The following MTBP variants were observed in gnomAD, a reference collection of about 807,000 sequenced individuals.
The protein encoded by MTBP is mdm2-binding protein.
MTBP carries 101 observed loss-of-function variants against 117.0 expected under a neutral mutation model. That is an observed-to-expected ratio of 0.86 (90% CI 0.73 to 1.02). MTBP has a LOEUF of 1.02. Ranked by LOEUF, MTBP falls within the 50% of genes least tolerant of loss-of-function variation. The probability of loss-of-function intolerance (pLI) is 0.00; values close to 1 mark genes in which losing one functional copy is unlikely to be tolerated. For missense variants in MTBP, 970 were observed against 1,030.9 expected (o/e 0.94, Z 0.81); for synonymous variants, 350 against 351.5 (o/e 1.00, Z 0.05).
At chr8:120,465,160 G>A (rs1462991082) in intron 10 of MTBP, among the ~76,000 whole-genome samples, 3 of 152,078 alleles carry the variant, frequency 2.0e-5, no homozygotes, top group Non-Finnish European at 4.4e-5. Context: ...GTAGCTCTCT[G>A]TATATCCCTG....
In MTBP at chr8:120,463,673, C is replaced by T. The variant is rs1813626828; in HGVS notation, c.978-19C>T. 4 of 1,573,440 alleles carry T rather than the reference C, an allele frequency of 2.5e-6. No homozygotes were observed. The African/African-American group carries it at 5.4e-5, about 21-fold the overall frequency. On this transcript the variant is annotated intron_variant, in intron 9 of 21. Transcript: ENST00000305949. ...TTTCATGGGTACCATTACATCATTTCTTTAACTCCTTAGTACAGAGGATTG... is the reference window on the plus strand; with the variant it reads ...TTTCATGGGTACCATTACATCATTTTTTTAACTCCTTAGTACAGAGGATTG...
intron 7 of MTBP, among the ~76,000 whole-genome samples, chr8:120,458,828 T>C (rs922965849): frequency 4.8e-4 from 63 of 131,684 alleles, no homozygotes; most frequent in African/African-American, 1.5e-3. Context: ...GCCACAAGAG[T>C]GAAACTCCAT....
At chr8:120,447,198 A>G (rs1300814134) in intron 2 of MTBP, among the ~76,000 whole-genome samples, 3 of 152,142 alleles carry the variant, frequency 2.0e-5, no homozygotes, top group African/African-American at 7.2e-5. Flanking sequence ...GTTTCTTTCC[A>G]TGCAAGGAAG....
chr8:120,480,931 C>T (rs1814069901), intron 11 of MTBP, among the ~76,000 whole-genome samples: 1 of 152,100 alleles, frequency 6.6e-6, no homozygotes, highest in African/African-American at 2.4e-5. Context: ...AAAATAGTTC[C>T]AGTCGTATAT....
chr8:120,468,681 C>G (rs1338759728), intron 10 of MTBP, among the ~76,000 whole-genome samples: 1 of 151,952 alleles, frequency 6.6e-6, no homozygotes, highest in Non-Finnish European at 1.5e-5. Flanking sequence ...TTTCTGTTGA[C>G]CAATGCCGGC....
intron 7 of MTBP, 76 bp from the exon 8 acceptor site, chr8:120,459,139 C>T: frequency 7.8e-7 from 1 of 1,281,636 alleles, no homozygotes. Flanking sequence ...TCAACTTTTA[C>T]ATTGTAATAA....
chr8:120,523,162 TTAAGTA>T (rs1292220551), intron 21 of MTBP, 130 bp from the exon 22 acceptor site: 6 of 629,126 alleles, frequency 9.5e-6, no homozygotes, highest in Admixed American at 2.8e-5. Context: ...AAATGTGTAT[TTAAGTA>T]TAAGATTTCA....
intron 13 of MTBP, among the ~76,000 whole-genome samples, chr8:120,494,150 G>A (rs1044730542): frequency 6.6e-6 from 1 of 152,136 alleles, no homozygotes; most frequent in Non-Finnish European, 1.5e-5. Context: ...CTCGACATTG[G>A]TTGCCTCCTT....
At chr8:120,450,345 AT>A (rs931913638) in intron 2 of MTBP, among the ~76,000 whole-genome samples, 2 of 152,178 alleles carry the variant, frequency 1.3e-5, no homozygotes, top group African/African-American at 4.8e-5. Flanking sequence ...TTCTGCTGAG[AT>A]TGTTGGAAGA....
chr8:120,460,281 G>A (rs1256170861), intron 8 of MTBP, among the ~76,000 whole-genome samples: 1 of 152,080 alleles, frequency 6.6e-6, no homozygotes, highest in South Asian at 2.1e-4. Flanking sequence ...TATGAATAAT[G>A]TGTCCAAATT....
rs1012073355 is a variant in MTBP, at chr8:120,458,108, A to G, written c.748-1107A>G. Reference sequence around the variant, plus strand: ...ATGTGATTCTTTTATTCTCTTGAATAGGAAATTAAATGTTCGTATCTCCAC... The same window carrying G: ...ATGTGATTCTTTTATTCTCTTGAATGGGAAATTAAATGTTCGTATCTCCAC... On this transcript the variant is annotated intron_variant, in intron 7 of 21. Transcript: ENST00000305949. Among the ~76,000 whole-genome samples the G allele has an allele frequency of 2.0e-5, 3 of 152,200 alleles. No individual in the cohort carries two copies. The South Asian group carries it at 6.2e-4, about 32-fold the overall frequency.
intron 11 of MTBP, among the ~76,000 whole-genome samples, chr8:120,474,891 AG>A (rs1253716488): frequency 6.6e-6 from 1 of 152,078 alleles, no homozygotes; most frequent in Non-Finnish European, 1.5e-5. Context: ...TAATGAAAAA[AG>A]CAAGGTATGC....
At chr8:120,471,107 A>G (rs936959263) in intron 11 of MTBP, 170 bp downstream of exon 11, 3 of 541,186 alleles carry the variant, frequency 5.5e-6, no homozygotes, top group East Asian at 3.1e-5. Flanking sequence ...CTACTGTAAC[A>G]TAAAGTATCT....
chr8:120,507,976 C>T lies in MTBP; in HGVS notation c.1883+1115C>T, dbSNP rs1038266484. On this transcript the variant is annotated intron_variant, in intron 16 of 21. Coordinates refer to ENST00000305949, the MANE Select transcript of MTBP (RefSeq NM_022045.5). ...AACTGAATTATTTATGTAAGTTGTACTCTTTTTACAGAATGTCTTTCTAGA... is the reference window on the plus strand; with the variant it reads ...AACTGAATTATTTATGTAAGTTGTATTCTTTTTACAGAATGTCTTTCTAGA... Among the ~76,000 whole-genome samples the T allele has an allele frequency of 3.0e-5, 3 of 99,342 alleles. No individual in the cohort carries two copies. In the East Asian group the frequency reaches 9.2e-4, roughly 30 times the overall value. The allele number at this position is 99,342 out of a possible 152,430, so 65.2% of individuals were successfully genotyped here.
At chr8:120,510,109 G>T in intron 17 of MTBP, 80 bp downstream of exon 17, 1 of 1,018,260 alleles carries the variant, frequency 9.8e-7, no homozygotes, top group Non-Finnish European at 1.4e-6. Flanking sequence ...TTAATAAAAT[G>T]ATATAAATTG....
intron 19 of MTBP, among the ~76,000 whole-genome samples, 199 bp from the exon 20 acceptor site, chr8:120,518,505 C>T (rs981838296): frequency 2.0e-5 from 3 of 151,920 alleles, no homozygotes; most frequent in Non-Finnish European, 2.9e-5. Flanking sequence ...TCATTTCCTG[C>T]TAACATATTA....
intron 11 of MTBP, among the ~76,000 whole-genome samples, chr8:120,484,447 T>C (rs1039916936): frequency 6.6e-6 from 1 of 152,158 alleles, no homozygotes; most frequent in Non-Finnish European, 1.5e-5. Context: ...CTGTAGCTAT[T>C]GTAATAAAAT....
intron 10 of MTBP, among the ~76,000 whole-genome samples, chr8:120,469,156 C>T (rs1291943092): frequency 6.6e-6 from 1 of 152,134 alleles, no homozygotes; most frequent in Non-Finnish European, 1.5e-5. Context: ...AGCAATTCTC[C>T]TGCCTCAGCC....
At chr8:120,455,304 C>T (rs1050828519) in intron 5 of MTBP, 131 bp from the exon 6 acceptor site, 6 of 507,476 alleles carry the variant, frequency 1.2e-5, no homozygotes, top group Non-Finnish European at 1.7e-5. Flanking sequence ...TAAAAGCTTC[C>T]TTTGTCTTCT....
Sources: gnomAD v4.1 joint callset for allele counts (sites outside exome capture counted in the v4.1 genomes callset) on GRCh38, gnomAD v4.1.1 for gene constraint, MANE v1.5 for transcripts, NCBI Gene and HGNC (gene_info 2026-07-23, HGNC 2026-07-21) for gene names.